Variants in TCF4 observed in about 807,000 individuals in gnomAD.
The protein encoded by TCF4 is SL3-3 enhancer factor 2.
TCF4 carries 3 observed loss-of-function variants against 82.1 expected under a neutral mutation model. That is an observed-to-expected ratio of 0.04 (90% CI 0.02 to 0.09). The LOEUF (loss-of-function observed/expected upper bound fraction) is 0.09, where lower values mean the gene tolerates loss of function less well. TCF4 is among the 10% of genes least tolerant of loss of function. TCF4 has a pLI of 1.00. For synonymous variants in TCF4, 276 were observed against 309.6 expected (o/e 0.89, Z 1.14); for missense variants, 518 against 852.7 (o/e 0.61, Z 4.89).
chr18:55,276,109 T>C (rs542115178), intron 9 of TCF4, among the ~76,000 whole-genome samples: 2 of 152,196 alleles, frequency 1.3e-5, no homozygotes, highest in African/African-American at 2.4e-5. Flanking sequence ...AGTTAAATTG[T>C]TCCTAAACTT....
chr18:55,550,023 A>G (rs970540902), intron 3 of TCF4, among the ~76,000 whole-genome samples: 5 of 152,226 alleles, frequency 3.3e-5, no homozygotes, highest in African/African-American at 1.2e-4. Context: ...AGAGGTAAAT[A>G]CTATTCATTG....
chr18:55,323,716 C>T (rs755957275), intron 8 of TCF4, among the ~76,000 whole-genome samples: 14 of 152,308 alleles, frequency 9.2e-5, no homozygotes, highest in Middle Eastern at 3.4e-3. Context: ...GGGTACCCAC[C>T]TACCAGAGGA....
intron 8 of TCF4, chr18:55,302,316 C>G: frequency 9.0e-7 from 1 of 1,114,580 alleles, no homozygotes; most frequent in East Asian, 2.6e-5. Flanking sequence ...TAGTGCAAAG[C>G]AAATGGGTAA....
At chr18:55,251,930 GTTT>G (rs199695068) in intron 15 of TCF4, among the ~76,000 whole-genome samples, 11 of 101,250 alleles carry the variant, frequency 1.1e-4, no homozygotes, top group Non-Finnish European at 1.8e-4. Flanking sequence ...GGGGGATGAG[GTTT>G]TTTTTTTTTT....
At chr18:55,254,136 T>G (rs1361115991) in intron 15 of TCF4, among the ~76,000 whole-genome samples, 1 of 152,158 alleles carries the variant, frequency 6.6e-6, no homozygotes. Flanking sequence ...GACCACCACA[T>G]GTTGTATGAT....
intron 3 of TCF4, among the ~76,000 whole-genome samples, chr18:55,558,789 C>T (rs1032739204): frequency 2.0e-5 from 3 of 152,038 alleles, no homozygotes; most frequent in Non-Finnish European, 4.4e-5. Flanking sequence ...ATTTAGGTCA[C>T]TCTCCAATGG....
intron 2 of TCF4, among the ~76,000 whole-genome samples, chr18:55,603,057 A>AAT (rs2097698812): frequency 6.6e-6 from 1 of 152,190 alleles, no homozygotes; most frequent in Non-Finnish European, 1.5e-5. Flanking sequence ...GATTTAGAGT[A>AAT]ATATACCTGG....
chr18:55,629,306 C>A lies in TCF4; in HGVS notation c.286+1992G>T, dbSNP rs543454672. 2.3e-3 allele frequency among the ~76,000 whole-genome samples: 351 copies of A among 152,240 alleles called. 1 individual carries two copies. The highest frequency in any genetic ancestry group is 3.4e-3 in the Non-Finnish European group (229 of 68,014). On this transcript the variant is annotated intron_variant, in intron 2 of 20. Transcript: ENST00000398339. The stretch of plus-strand genomic sequence containing the variant: ...CATACCAATATTTATAGCTCTCTGG[C>A]AAAGCATTGGCTATTATGCCTCCTG...
intron 2 of TCF4, chr18:55,586,114 G>T: frequency 7.0e-7 from 1 of 1,434,050 alleles, no homozygotes; most frequent in Non-Finnish European, 9.3e-7. Context: ...AGAAGGTCTA[G>T]AAGAGGAGGA....
At chr18:55,490,216 G>A (rs1006388420) in intron 3 of TCF4, among the ~76,000 whole-genome samples, 9 of 152,146 alleles carry the variant, frequency 5.9e-5, no homozygotes, top group African/African-American at 1.7e-4. Context: ...TGGGATTTCT[G>A]CGGTTATTTT....
chr18:55,322,084 TTTC>T (rs1390384785), intron 8 of TCF4: 16 of 1,109,874 alleles, frequency 1.4e-5, no homozygotes, highest in African/African-American at 9.8e-5. Flanking sequence ...CTTTTTTCTT[TTTC>T]TTTTCTTTTT....
intron 2 of TCF4, among the ~76,000 whole-genome samples, chr18:55,597,403 C>G (rs1016982823): frequency 4.0e-5 from 6 of 151,846 alleles, no homozygotes; most frequent in East Asian, 1.9e-4. Flanking sequence ...CCCTCTCCCC[C>G]AAAGAAAAGG....
intron 8 of TCF4, chr18:55,321,452 T>G: frequency 2.9e-6 from 2 of 690,484 alleles, no homozygotes; most frequent in Non-Finnish European, 4.9e-6. Flanking sequence ...AAGCATCTAT[T>G]TTTCTACTCT....
intron 2 of TCF4, among the ~76,000 whole-genome samples, chr18:55,610,989 C>A (rs2097706512): frequency 6.6e-6 from 1 of 152,158 alleles, no homozygotes; most frequent in South Asian, 2.1e-4. Flanking sequence ...TTGACACTTA[C>A]CAATTTCAAA....
intron 5 of TCF4, among the ~76,000 whole-genome samples, chr18:55,439,764 C>T (rs567615943): frequency 6.6e-6 from 1 of 152,182 alleles, no homozygotes; most frequent in Admixed American, 6.5e-5. Flanking sequence ...ACTCTGTCAC[C>T]GAGGCAAGAG....
At chr18:55,559,893 A>C (rs866990618) in intron 3 of TCF4, among the ~76,000 whole-genome samples, 1 of 152,164 alleles carries the variant, frequency 6.6e-6, no homozygotes, top group Non-Finnish European at 1.5e-5. Flanking sequence ...CAAGAAAAAG[A>C]AGCAGACAAG....
intron 6 of TCF4, chr18:55,351,784 T>G: frequency 5.9e-6 from 5 of 851,106 alleles, no homozygotes; most frequent in Non-Finnish European, 7.1e-6. Flanking sequence ...AAAAACTACA[T>G]AGAAACTTAC....
intron 11 of TCF4, 113 bp from the exon 12 acceptor site, chr18:55,261,646 C>T (rs1295630474): frequency 3.5e-6 from 4 of 1,138,146 alleles, no homozygotes; most frequent in Non-Finnish European, 5.3e-6. Context: ...AATTACAACA[C>T]ATTAATCTTT....
chr18:55,309,857 CA>C (rs2147177118), intron 8 of TCF4, among the ~76,000 whole-genome samples: 1 of 151,614 alleles, frequency 6.6e-6, no homozygotes, highest in Non-Finnish European at 1.5e-5. Context: ...AATGATTGAT[CA>C]AAAAAAGGTC....
Sources: gnomAD v4.1 joint callset for allele counts (sites outside exome capture counted in the v4.1 genomes callset) on GRCh38, gnomAD v4.1.1 for gene constraint, MANE v1.5 for transcripts, NCBI Gene and HGNC (gene_info 2026-07-23, HGNC 2026-07-21) for gene names.